Variants in ACOT11 observed in about 807,000 individuals in gnomAD.
ACOT11 encodes the protein acyl-CoA thioesterase 11.
In ACOT11, 69 loss-of-function variants were observed where a neutral mutation model predicts 77.5. That is an observed-to-expected ratio of 0.89 (90% CI 0.73 to 1.09). ACOT11 has a LOEUF of 1.09. ACOT11 is among the 50% of genes least tolerant of loss of function. The pLI, the probability that ACOT11 is intolerant of heterozygous loss-of-function variation, is 0.00. For synonymous variants in ACOT11, 279 were observed against 313.0 expected, an observed-to-expected ratio of 0.89 and a Z score of 1.15; for missense variants, 766 against 813.7, an observed-to-expected ratio of 0.94 and a Z score of 0.71.
At chr1:54,591,372 C>T (rs1174848866) in intron 3 of ACOT11, among the ~76,000 whole-genome samples, 1 of 152,116 alleles carries the variant, frequency 6.6e-6, no homozygotes, top group Non-Finnish European at 1.5e-5. Flanking sequence ...TCACACAGCT[C>T]TGTAGTGTGA....
At chr1:54,634,565 G>T in intron 16 of ACOT11, 1 of 560,966 alleles carries the variant, frequency 1.8e-6, no homozygotes. Context: ...GAAAAATAGG[G>T]ATTACAGAAC....
Position 54,605,189 on chromosome 1 carries a change from A to G in ACOT11, c.1350A>G (p.Pro450=), listed in dbSNP as rs1644010265. Residue 450 remains proline (P), a synonymous_variant, in exon 13 of 16, where the codon CCA becomes CCG. Coordinates refer to ENST00000343744, the MANE Select transcript of ACOT11 (RefSeq NM_147161.4). ...FLLLSDLRQR[P]EWDKHYRSVE... Reference sequence around the variant, plus strand: ...TGCTCTCGGACCTGCGTCAGAGGCCAGAGTGGGACAAGCACTACCGGTGAG... The same window carrying G: ...TGCTCTCGGACCTGCGTCAGAGGCCGGAGTGGGACAAGCACTACCGGTGAG... 2 of 1,613,596 alleles carry G rather than the reference A, an allele frequency of 1.2e-6. No individual in the cohort carries two copies. The highest frequency in any genetic ancestry group is 1.7e-6 in the Non-Finnish European group (2 of 1,180,010).
At chr1:54,599,718 A>G (rs574426057) in intron 8 of ACOT11, 64 of 192,704 alleles carry the variant, frequency 3.3e-4, no homozygotes, top group African/African-American at 1.4e-3. Context: ...TCCTGGCTCC[A>G]TGCCTGGACC....
chr1:54,590,908 C>T (rs1480580019), intron 3 of ACOT11, among the ~76,000 whole-genome samples: 2 of 152,134 alleles, frequency 1.3e-5, no homozygotes, highest in African/African-American at 4.8e-5. Flanking sequence ...GTGTGCCCTA[C>T]CATGCTCAGC....
intron 6 of ACOT11, among the ~76,000 whole-genome samples, chr1:54,596,979 G>T (rs929240853): frequency 1.2e-4 from 19 of 152,208 alleles, no homozygotes; most frequent in African/African-American, 4.3e-4. Flanking sequence ...AGGCTCAGAG[G>T]GATTACTTGA....
At chr1:54,578,605 A>G (rs1025247620) in intron 1 of ACOT11, among the ~76,000 whole-genome samples, 1 of 152,206 alleles carries the variant, frequency 6.6e-6, no homozygotes, top group Non-Finnish European at 1.5e-5. Flanking sequence ...TGGGATGCTT[A>G]CCAGGGCTTC....
chr1:54,580,411 G>T (rs1654264200), intron 1 of ACOT11, among the ~76,000 whole-genome samples: 1 of 152,110 alleles, frequency 6.6e-6, no homozygotes, highest in South Asian at 2.1e-4. Flanking sequence ...GGACTTCTTG[G>T]CCTGGCCCCC....
chr1:54,629,529 G>C lies in ACOT11; in HGVS notation c.1630-1205G>C, dbSNP rs530476553. Among the ~76,000 whole-genome samples the C allele has an allele frequency of 4.5e-5, 6 of 132,808 alleles. 3 individuals carry two copies. Among genetic ancestry groups the C allele is most frequent in the Non-Finnish European group, 1.0e-4 (6 of 58,756 alleles). The allele number at this position is 132,808 out of a possible 152,430, so 87.1% of individuals were successfully genotyped here. A position where few individuals can be genotyped will look rare whatever the true frequency, so the allele number is the denominator to read the frequency against. On this transcript the variant is annotated intron_variant, in intron 15 of 16. Transcript: ENST00000371316. Reference sequence around the variant, plus strand: ...TCTCAATCTCCTGACCTCGTGATACGCCTGCCTCAGCCTCCTAAAGGGCTG... The same window carrying C: ...TCTCAATCTCCTGACCTCGTGATACCCCTGCCTCAGCCTCCTAAAGGGCTG...
chr1:54,608,169 GC>G, intron 15 of ACOT11, 101 bp downstream of exon 15: 1 of 1,266,022 alleles, frequency 7.9e-7, no homozygotes, highest in Non-Finnish European at 1.1e-6. Flanking sequence ...CTCAGAGCTG[GC>G]CCCCCAGCAG....
In ACOT11 at chr1:54,552,101, C is replaced by T. The variant is rs914844214; in HGVS notation, c.33+3759C>T. On this transcript the variant is annotated intron_variant, in intron 1 of 15. Transcript: ENST00000343744. The stretch of plus-strand genomic sequence containing the variant: ...ACGGTGTGACCTTTGGCCAGGGGTT[C>T]CTCTCTCTAGGCCTTAGGGTGCTGG... Among the ~76,000 whole-genome samples, 3 of 152,094 alleles carry T rather than the reference C, an allele frequency of 2.0e-5. No homozygotes were observed. In the East Asian group the frequency reaches 5.8e-4, roughly 29 times the overall value.
intron 1 of ACOT11, among the ~76,000 whole-genome samples, chr1:54,562,378 C>T (rs1330722285): frequency 3.7e-5 from 3 of 80,068 alleles, no homozygotes; most frequent in South Asian, 4.6e-4. Context: ...TCCTCACTTC[C>T]CAGTAGGGGC....
Position 54,607,974 on chromosome 1 carries a change from C to G in ACOT11, c.1535C>G (p.Thr512Arg). 6.2e-7 allele frequency: 1 copy of G among 1,613,848 alleles called. No individual in the cohort carries two copies. Among genetic ancestry groups the G allele is most frequent in the Non-Finnish European group, 8.5e-7 (1 of 1,179,960 alleles). Residue 512 changes from threonine (T) to arginine (R), a missense_variant, in exon 15 of 16, where the codon ACG (threonine) becomes AGG (arginine). Physicochemically the swap from Thr to Arg is moderately conservative, Grantham distance 71. Coordinates refer to ENST00000343744, the MANE Select transcript of ACOT11 (RefSeq NM_147161.4). The surrounding 1 kb of genome is among the most constrained non-coding windows in gnomAD (Gnocchi z 4.5). ...TATGTCATCGCGCTGAGGTCGGTCA[C>G]GCTGCCCACACACCGAGAGACGCCA... The part of the protein sequence containing the change: ...DPYVIALRSV[T>R]LPTHRETPEY...
At position 54,577,614 on chromosome 1, in the gene ACOT11, T is replaced by C. The variant is rs536923029; in HGVS notation, c.34-7041T>C. Among the ~76,000 whole-genome samples the C allele has an allele frequency of 4.0e-5, 5 of 125,916 alleles. No homozygotes were observed. In the East Asian group the frequency reaches 1.1e-3, roughly 28 times the overall value. 82.6% of individuals were successfully genotyped at this position (125,916 alleles called of 152,430 possible). A position where few individuals can be genotyped will look rare whatever the true frequency, so the allele number is the denominator to read the frequency against. ...TCTACCTTTTGCTTGCTGTGAATAG[T>C]GCTGCTATGAACGTGTATGTGCATG... On this transcript the variant is annotated intron_variant, in intron 1 of 15. Coordinates refer to ENST00000343744, the MANE Select transcript of ACOT11 (RefSeq NM_147161.4).
chr1:54,549,520 C>G (rs1348825026), intron 1 of ACOT11, among the ~76,000 whole-genome samples: 1 of 152,250 alleles, frequency 6.6e-6, no homozygotes, highest in African/African-American at 2.4e-5. Context: ...CCAGCAAGTT[C>G]CTTCTGAGCC....
chr1:54,564,676 A>G (rs1031176757), intron 1 of ACOT11, among the ~76,000 whole-genome samples: 4 of 152,146 alleles, frequency 2.6e-5, no homozygotes, highest in African/African-American at 9.7e-5. Context: ...TTTCTTCTCC[A>G]GGGATACAGC....
rs761980187 is a variant in ACOT11, at chr1:54,607,112, T to C, written c.1371-22T>C. Reference sequence around the variant, plus strand: ...GGGAGCTGGAAGCTTCCTGGGGCACTGAGATCCCGGCCTCCCCACAGGAGC... The same window carrying C: ...GGGAGCTGGAAGCTTCCTGGGGCACCGAGATCCCGGCCTCCCCACAGGAGC... On this transcript the variant is annotated intron_variant, in intron 13 of 15. Transcript: ENST00000343744. The surrounding 1 kb of genome is among the most constrained non-coding windows in gnomAD (Gnocchi z 4.5). The C allele has an allele frequency of 1.2e-6, 2 of 1,613,370 alleles. No individual in the cohort carries two copies. The highest frequency in any genetic ancestry group is 1.7e-6 in the Non-Finnish European group (2 of 1,179,554).
downstream of ACOT11, among the ~76,000 whole-genome samples, chr1:54,612,136 A>C (rs1418968160): frequency 6.6e-6 from 1 of 151,582 alleles, no homozygotes; most frequent in Non-Finnish European, 1.5e-5. Flanking sequence ...GGGAGTCTCT[A>C]AATTCCTATA....
At position 54,592,609 on chromosome 1, in the gene ACOT11, G is replaced by A; in HGVS notation, c.372+3G>A. On this transcript the variant is annotated splice_donor_region_variant and intron_variant, in intron 4 of 15. Coordinates refer to ENST00000343744, the MANE Select transcript of ACOT11 (RefSeq NM_147161.4). Reference sequence around the variant, plus strand: ...GGGCCTTCAACTCCAGCATGGAGGTGTGTGGGGTGGGCACTGCTTGGGAGT... The same window carrying A: ...GGGCCTTCAACTCCAGCATGGAGGTATGTGGGGTGGGCACTGCTTGGGAGT... 4 of 1,613,480 alleles carry A rather than the reference G, an allele frequency of 2.5e-6. No individual in the cohort carries two copies. The highest frequency in any genetic ancestry group is 3.4e-6 in the Non-Finnish European group (4 of 1,179,722).
At chr1:54,616,149 C>G in intron 15 of ACOT11, 1 of 1,614,208 alleles carries the variant, frequency 6.2e-7, no homozygotes, top group African/African-American at 1.3e-5. Context: ...ACATTGACGT[C>G]AGCCTCCAGG....
Sources: gnomAD v4.1 joint callset for allele counts (sites outside exome capture counted in the v4.1 genomes callset) on GRCh38, gnomAD v4.1.1 for gene constraint, Gnocchi (gnomAD v3.1) non-coding constraint, MANE v1.5 for transcripts, NCBI Gene and HGNC (gene_info 2026-07-23, HGNC 2026-07-21) for gene names.